Variants in MACROD2 observed in about 807,000 individuals in gnomAD.
The protein encoded by MACROD2 is ADP-ribose glycohydrolase MACROD2.
A neutral mutation model predicts 70.4 loss-of-function variants in MACROD2; 36 were observed. That is an observed-to-expected ratio of 0.51 (90% CI 0.39 to 0.68). MACROD2 has a LOEUF of 0.68. MACROD2 is among the 30% of genes least tolerant of loss of function. MACROD2 has a pLI of 0.00. For missense variants in MACROD2, 496 were observed against 538.4 expected (o/e 0.92, Z 0.78); for synonymous variants, 172 against 178.8 (o/e 0.96, Z 0.30).
intron 4 of MACROD2, among the ~76,000 whole-genome samples, chr20:14,637,503 C>T (rs1240039326): frequency 6.6e-6 from 1 of 152,168 alleles, no homozygotes; most frequent in African/African-American, 2.4e-5. Flanking sequence ...ACATCTCAGG[C>T]TTGTAAGCTC....
intron 5 of MACROD2, among the ~76,000 whole-genome samples, chr20:15,220,429 A>G (rs1248087455): frequency 2.6e-5 from 4 of 152,248 alleles, no homozygotes; most frequent in Non-Finnish European, 5.9e-5. Flanking sequence ...CTGCAGGAAA[A>G]CAGAAATCAC....
chr20:15,314,223 C>T (rs1482397329), intron 6 of MACROD2, among the ~76,000 whole-genome samples: 1 of 151,916 alleles, frequency 6.6e-6, no homozygotes, highest in Non-Finnish European at 1.5e-5. Flanking sequence ...ACTTTGTCAG[C>T]ACGCTGGAAA....
intron 12 of MACROD2, among the ~76,000 whole-genome samples, chr20:15,956,768 A>T (rs2065982898): frequency 6.6e-6 from 1 of 152,146 alleles, no homozygotes. Context: ...TATGCTAGCA[A>T]GCCCTTCCAG....
intron 6 of MACROD2, among the ~76,000 whole-genome samples, chr20:15,311,486 A>G (rs1051557444): frequency 2.0e-5 from 3 of 152,210 alleles, no homozygotes; most frequent in African/African-American, 7.2e-5. Flanking sequence ...ATGCACTCGC[A>G]TGTTCATAAC....
intron 3 of MACROD2, chr20:14,128,187 G>A (rs1381487296): frequency 7.5e-6 from 3 of 400,152 alleles, no homozygotes; most frequent in Admixed American, 2.9e-5. Context: ...AGCCCAACAA[G>A]GAACCAAATC....
intron 7 of MACROD2, among the ~76,000 whole-genome samples, chr20:15,472,264 T>G (rs764648533): frequency 4.6e-5 from 7 of 152,238 alleles, no homozygotes; most frequent in Non-Finnish European, 8.8e-5. Context: ...TTTTCTTGGT[T>G]CTTTTTTCAC....
chr20:15,074,474 G>A (rs34192370), intron 5 of MACROD2, among the ~76,000 whole-genome samples: 26,654 of 152,124 alleles, frequency 0.18, 2,796 homozygotes, highest in East Asian at 0.35. Context: ...CTTTTGTAAT[G>A]TCCTATAAAT....
Position 15,659,075 on chromosome 20 carries a change from TGG to T in MACROD2, c.645+159229_645+159230del, listed in dbSNP as rs2049777546. ...TCTAGTCTAATAGGTTTTGGGAGGA[TGG>T]AATATAGTGAGATATAATGTTCATT... On this transcript the variant is annotated intron_variant, in intron 8 of 17. Transcript: ENST00000684519. Among the ~76,000 whole-genome samples the T allele has an allele frequency of 7.9e-5, 12 of 152,294 alleles. No individual in the cohort carries two copies. In the South Asian group the frequency reaches 2.5e-3, roughly 32 times the overall value.
At position 15,318,366 on chromosome 20, in the gene MACROD2, C is replaced by T. The variant is rs374831347; in HGVS notation, c.540+88305C>T. 3.9e-5 allele frequency among the ~76,000 whole-genome samples: 6 copies of T among 152,064 alleles called. No individual in the cohort carries two copies. The South Asian group carries it at 6.2e-4, about 16-fold the overall frequency. Reference sequence around the variant, plus strand: ...TTCCCAACAAAGAAAAGCCTAAGACCAGATGGTTTTACTGGTGAATCTACT... The same window carrying T: ...TTCCCAACAAAGAAAAGCCTAAGACTAGATGGTTTTACTGGTGAATCTACT... On this transcript the variant is annotated intron_variant, in intron 6 of 17. Transcript: ENST00000684519.
rs1380620669 is a variant in MACROD2 at position 13,995,826 on chromosome 20, G to A, written c.46+17G>A. ...AGGAGAAAGGTAACCGGCCCGTCGAGTCCTGGGGGTGCGGGCGGTGGGGGT... is the reference window on the plus strand; with the variant it reads ...AGGAGAAAGGTAACCGGCCCGTCGAATCCTGGGGGTGCGGGCGGTGGGGGT... On this transcript the variant is annotated intron_variant, in intron 1 of 17. Transcript: ENST00000684519. The surrounding 1 kb of genome is among the most constrained non-coding windows in gnomAD (Gnocchi z 4.3). The A allele has an allele frequency of 6.3e-7, 1 of 1,578,142 alleles. No individual in the cohort carries two copies. Among genetic ancestry groups the A allele is most frequent in the Non-Finnish European group, 8.6e-7 (1 of 1,160,848 alleles).
intron 2 of MACROD2, among the ~76,000 whole-genome samples, chr20:14,026,979 C>G (rs2053176755): frequency 6.6e-6 from 1 of 152,224 alleles, no homozygotes; most frequent in African/African-American, 2.4e-5. Flanking sequence ...TCAAGTGGGT[C>G]CCTGACCCTT....
intron 3 of MACROD2, among the ~76,000 whole-genome samples, chr20:14,260,096 G>A (rs1555411): frequency 0.022 from 3,343 of 152,196 alleles, 38 homozygotes; most frequent in Non-Finnish European, 0.024. Context: ...TTTTAAAAGA[G>A]AAATGCAAAA....
At chr20:14,875,267 A>G (rs1012968834) in intron 5 of MACROD2, among the ~76,000 whole-genome samples, 7 of 151,776 alleles carry the variant, frequency 4.6e-5, no homozygotes, top group African/African-American at 1.5e-4. Flanking sequence ...TGTAGTTCCA[A>G]CTACTTGGGA....
chr20:14,364,200 A>T (rs530292399), intron 3 of MACROD2, among the ~76,000 whole-genome samples: 1 of 152,316 alleles, frequency 6.6e-6, no homozygotes, highest in East Asian at 1.9e-4. Flanking sequence ...CACATTAGGG[A>T]CCACCTTAAT....
chr20:15,931,977 TAGG>T (rs981183457), intron 10 of MACROD2, among the ~76,000 whole-genome samples: 4 of 152,040 alleles, frequency 2.6e-5, no homozygotes, highest in Admixed American at 2.6e-4. Flanking sequence ...TAAGAGTTGG[TAGG>T]AGGAGGAGAT....
intron 8 of MACROD2, among the ~76,000 whole-genome samples, chr20:15,720,508 A>G (rs574818089): frequency 1.4e-4 from 22 of 152,204 alleles, no homozygotes; most frequent in Non-Finnish European, 1.2e-4. Flanking sequence ...AATTGATAGA[A>G]CCAACCGCTG....
intron 2 of MACROD2, among the ~76,000 whole-genome samples, chr20:14,032,134 A>G (rs577068086): frequency 1.3e-5 from 2 of 152,086 alleles, no homozygotes; most frequent in East Asian, 1.9e-4. Context: ...ACTTAAAACT[A>G]TTTTTTGATG....
chr20:15,165,173 C>A, intron 5 of MACROD2, among the ~76,000 whole-genome samples: 2 of 152,000 alleles, frequency 1.3e-5, no homozygotes, highest in African/African-American at 4.8e-5. Context: ...GACTTGACAC[C>A]GGCTGGGTAC....
intron 5 of MACROD2, among the ~76,000 whole-genome samples, chr20:15,015,062 A>G (rs1038130118): frequency 3.9e-5 from 6 of 152,124 alleles, no homozygotes; most frequent in Non-Finnish European, 8.8e-5. Context: ...ATGGATCAGG[A>G]TGTCCCAAAA....
Sources: gnomAD v4.1 joint callset for allele counts (sites outside exome capture counted in the v4.1 genomes callset) on GRCh38, gnomAD v4.1.1 for gene constraint, Gnocchi (gnomAD v3.1) non-coding constraint, MANE v1.5 for transcripts, NCBI Gene and HGNC (gene_info 2026-07-23, HGNC 2026-07-21) for gene names.